The following APPL2 variants were observed in gnomAD, a reference collection of about 807,000 sequenced individuals.
The protein encoded by APPL2 is adaptor protein, phosphotyrosine interacting with PH domain and leucine zipper 2.
A neutral mutation model predicts 92.7 loss-of-function variants in APPL2; 84 were observed. That is an observed-to-expected ratio of 0.91 (90% CI 0.76 to 1.09). APPL2 has a LOEUF of 1.09. Among genes scored for constraint, APPL2 ranks in the 50% least tolerant of loss-of-function variants. The pLI, the probability that APPL2 is intolerant of heterozygous loss-of-function variation, is 0.00. For missense variants in APPL2, 736 were observed against 824.5 expected (o/e 0.89, Z 1.31); for synonymous variants, 291 against 291.0 (o/e 1.00, Z 0.00).
At chr12:105,213,216 T>A (rs1001805602) in intron 4 of APPL2, among the ~76,000 whole-genome samples, 2 of 152,216 alleles carry the variant, frequency 1.3e-5, no homozygotes, top group African/African-American at 4.8e-5. Flanking sequence ...ATGGTACATT[T>A]CCCAGCTACT....
intron 14 of APPL2, among the ~76,000 whole-genome samples, chr12:105,190,963 C>T (rs1339757244): frequency 6.6e-6 from 1 of 152,230 alleles, no homozygotes; most frequent in African/African-American, 2.4e-5. Context: ...AGACTATAAA[C>T]TCCTTTGAAG....
chr12:105,203,773 T>TA lies in APPL2; in HGVS notation c.633dup (p.Lys212Ter). Reference sequence around the variant, plus strand: ...TTGGAAAACATCTCTGCTCCCTTCTTAAAAAAGTTAATCTGAAAGATATAA... The same window carrying TA: ...TTGGAAAACATCTCTGCTCCCTTCTTAAAAAAAGTTAATCTGAAAGATATAA... On this transcript the variant is annotated frameshift_variant, in exon 9 of 21. Coordinates refer to ENST00000258530, the MANE Select transcript of APPL2 (RefSeq NM_018171.5). LOFTEE classifies it high-confidence loss of function. 6.2e-7 allele frequency: 1 copy of TA among 1,612,644 alleles called. No individual in the cohort carries two copies. The highest frequency in any genetic ancestry group is 8.5e-7 in the Non-Finnish European group (1 of 1,178,632).
At chr12:105,221,778 C>G (rs1466593964) in intron 2 of APPL2, among the ~76,000 whole-genome samples, 1 of 152,238 alleles carries the variant, frequency 6.6e-6, no homozygotes, top group Non-Finnish European at 1.5e-5. Flanking sequence ...CTCCCATGCT[C>G]AACAGAACCT....
At chr12:105,235,438 T>G (rs1407603236) in intron 1 of APPL2, 1 of 152,256 alleles carries the variant, frequency 6.6e-6, no homozygotes, top group Non-Finnish European at 1.5e-5. Context: ...CCAGGCCCTC[T>G]GCCTCTCATT....
At chr12:105,229,720 T>C (rs1890780863) in intron 1 of APPL2, 2 of 986,464 alleles carry the variant, frequency 2.0e-6, no homozygotes, top group African/African-American at 3.5e-5. Flanking sequence ...CTTGCAGGAG[T>C]GTAGGAGTGT....
intron 1 of APPL2, chr12:105,229,931 A>C (rs1461314274): frequency 5.5e-6 from 1 of 181,358 alleles, no homozygotes; most frequent in Non-Finnish European, 1.1e-5. Context: ...GGCACCCACC[A>C]CCACACCTGG....
chr12:105,223,499 A>G lies in APPL2; in HGVS notation c.153+5626T>C, dbSNP rs536291733. Among the ~76,000 whole-genome samples the G allele has an allele frequency of 1.3e-4, 20 of 150,596 alleles. No individual in the cohort carries two copies. In the South Asian group the frequency reaches 4.3e-3, roughly 32 times the overall value. On this transcript the variant is annotated intron_variant, in intron 2 of 20. Transcript: ENST00000258530. The stretch of plus-strand genomic sequence containing the variant: ...AGGAGACAGCCTGTCAGAGGAGCCA[A>G]TGGAAGACAGTTTCGAGGGGGGTGT...
chr12:105,197,635 A>C, intron 11 of APPL2, 130 bp downstream of exon 11: 1 of 1,141,408 alleles, frequency 8.8e-7, no homozygotes, highest in East Asian at 2.6e-5. Context: ...CATCCTCCTG[A>C]AAGGTCAACA....
At chr12:105,186,667 T>TATATGATATATCATATATATATC (rs1886708024) in intron 17 of APPL2, among the ~76,000 whole-genome samples, 4 of 33,148 alleles carry the variant, frequency 1.2e-4, no homozygotes, top group East Asian at 4.8e-3. Context: ...ATATATATCA[T>TATATGATATATCATATATATATC]ATATATGATA....
intron 9 of APPL2, among the ~76,000 whole-genome samples, chr12:105,200,864 G>GTATCTATCTATCTATC (rs202172435): frequency 2.6e-4 from 35 of 135,066 alleles, no homozygotes; most frequent in Non-Finnish European, 4.8e-4. Context: ...ATGTATGTAT[G>GTATCTATCTATCTATC]TATCTATCTA....
chr12:105,178,163 CTA>C (rs1444938007), intron 17 of APPL2, among the ~76,000 whole-genome samples: 1 of 152,094 alleles, frequency 6.6e-6, no homozygotes, highest in Non-Finnish European at 1.5e-5. Context: ...AGAAAATAAA[CTA>C]TATGAGAGAA....
In APPL2 at chr12:105,207,988, T is replaced by C. The variant is rs1888884566; in HGVS notation, c.457A>G (p.Lys153Glu). Residue 153 changes from lysine to glutamate, a missense_variant, in exon 7 of 21, where the codon AAA becomes GAA. Physicochemically the swap from Lys to Glu is moderately conservative, Grantham distance 56 (BLOSUM62 1). Coordinates refer to ENST00000258530, the MANE Select transcript of APPL2 (RefSeq NM_018171.5). ...ATTCTTACCTTCTCATTCTCCTTTTTCTTAGGCAGCCTGCTGTATTTTGCC... is the reference window on the plus strand; with the variant it reads ...ATTCTTACCTTCTCATTCTCCTTTTCCTTAGGCAGCCTGCTGTATTTTGCC... ...SMAKYSRLPK[K>E]KENEKVKTEV... The C allele has an allele frequency of 1.2e-6, 2 of 1,614,014 alleles. No homozygotes were observed. Among genetic ancestry groups the C allele is most frequent in the Non-Finnish European group, 1.7e-6 (2 of 1,179,850 alleles).
chr12:105,211,208 G>A, intron 5 of APPL2, 22 bp downstream of exon 5: 1 of 1,472,692 alleles, frequency 6.8e-7, no homozygotes, highest in Non-Finnish European at 9.5e-7. Context: ...AAGGTAACTG[G>A]CATTGAACTC....
intron 2 of APPL2, among the ~76,000 whole-genome samples, chr12:105,223,769 T>C (rs1220440182): frequency 7.9e-5 from 12 of 152,234 alleles, no homozygotes; most frequent in African/African-American, 2.7e-4. Flanking sequence ...GCAACTATTA[T>C]TATCATAAAA....
chr12:105,198,450 A>G (rs1887858200), intron 10 of APPL2, among the ~76,000 whole-genome samples: 1 of 152,224 alleles, frequency 6.6e-6, no homozygotes, highest in Non-Finnish European at 1.5e-5. Context: ...GTTCCTGGCA[A>G]ATAACGACAG....
rs543044946 is a variant in APPL2, at chr12:105,223,755, T to C, written c.153+5370A>G. Among the ~76,000 whole-genome samples, 7 of 152,358 alleles carry C rather than the reference T, an allele frequency of 4.6e-5. No homozygotes were observed. In the East Asian group the frequency reaches 1.4e-3, roughly 29 times the overall value. On this transcript the variant is annotated intron_variant, in intron 2 of 20. Coordinates refer to ENST00000258530, the MANE Select transcript of APPL2 (RefSeq NM_018171.5). Reference sequence around the variant, plus strand: ...AAATAGCAGTGCCAGTGTACAGTGCTATTGCAACTATTATTATCATAAAAC... The same window carrying C: ...AAATAGCAGTGCCAGTGTACAGTGCCATTGCAACTATTATTATCATAAAAC...
At position 105,229,135 on chromosome 12, in the gene APPL2, T is replaced by C. The variant is rs150695109; in HGVS notation, c.143A>G (p.Tyr48Cys). 1.6e-4 allele frequency: 263 copies of C among 1,611,788 alleles called. No homozygotes were observed. Among genetic ancestry groups the C allele is most frequent in the Admixed American group, 5.3e-4 (32 of 59,950 alleles). The change falls in exon 2 of 21, where the codon TAT (tyrosine) becomes TGT (cysteine). Residue 48 changes from tyrosine to cysteine, a missense_variant. Coordinates refer to ENST00000258530, the MANE Select transcript of APPL2 (RefSeq NM_018171.5). ...NQLLQAMQRV[Y>C]GAQNEMCLAT... ...GGGGTGGCAGCATACCTGGGCTCCA[T>C]AGACGCGCTGCATTGCCTGGAGCAG...
chr12:105,202,706 TAA>T, intron 9 of APPL2, among the ~76,000 whole-genome samples: 1 of 152,214 alleles, frequency 6.6e-6, no homozygotes, highest in East Asian at 1.9e-4. Context: ...AGCATAATTA[TAA>T]ATAAAAGCTA....
At chr12:105,177,398 C>T in intron 17 of APPL2, 136 bp from the exon 18 acceptor site, 2 of 859,918 alleles carry the variant, frequency 2.3e-6, no homozygotes, top group East Asian at 2.6e-5. Flanking sequence ...GGCGAGATAG[C>T]TGTGTGTGAC....
Sources: allele counts gnomAD v4.1 joint callset (sites outside exome capture counted in the v4.1 genomes callset), GRCh38; gene constraint gnomAD v4.1.1; transcripts MANE v1.5; gene names NCBI Gene and HGNC (gene_info 2026-07-23, HGNC 2026-07-21).